The following MED16 variants were observed in gnomAD, a reference collection of about 807,000 sequenced individuals.
MED16 encodes mediator of RNA polymerase II transcription subunit 16.
In MED16, 81 loss-of-function variants were observed where a neutral mutation model predicts 84.4. The observed-to-expected ratio is 0.96, with a 90% CI of 0.80 to 1.15. The LOEUF (loss-of-function observed/expected upper bound fraction) is 1.15, where lower values mean the gene tolerates loss of function less well. Among genes scored for constraint, MED16 ranks in the 50% most tolerant of loss-of-function variants. The probability of loss-of-function intolerance (pLI) is 0.00; values close to 1 mark genes in which losing one functional copy is unlikely to be tolerated. For missense variants in MED16, 1,585 were observed against 1,245.9 expected (o/e 1.27, Z -4.10); for synonymous variants, 897 against 552.2 (o/e 1.62, Z -8.76).
rs777184628 is a variant in MED16, at chr19:872,036, C to A, written c.1988G>T (p.Arg663Leu). 1 of 1,609,630 alleles carries A rather than the reference C, an allele frequency of 6.2e-7. No homozygotes were observed. Among genetic ancestry groups the A allele is most frequent in the Non-Finnish European group, 8.5e-7 (1 of 1,178,448 alleles). Residue 663 changes from arginine to leucine, a missense_variant, in exon 12 of 16, where the codon CGC becomes CTC. Physicochemically the swap from Arg to Leu is moderately radical, Grantham distance 102 (BLOSUM62 -2). Transcript: ENST00000325464. ...GMLRELMVVI[R>L]IWGLLKPSCL... ...GCTGGGCTTCAGAAGGCCCCAGATG[C>A]GGATGACCACCATCAATTCCCGAAG...
chr19:887,178 T>A (rs2036544149), intron 4 of MED16, among the ~76,000 whole-genome samples: 2 of 151,440 alleles, frequency 1.3e-5, no homozygotes, highest in Non-Finnish European at 2.9e-5. Flanking sequence ...CCATTCTAAG[T>A]TACAAGTTAA....
chr19:879,578 T>C (rs2036363935), intron 8 of MED16, among the ~76,000 whole-genome samples: 1 of 84,402 alleles, frequency 1.2e-5, no homozygotes, highest in Admixed American at 1.5e-4. Context: ...TGGTTGTCAA[T>C]GCCCAGCAGC....
At position 868,339 on chromosome 19, in the gene MED16, G is replaced by A. The variant is rs1166313104; in HGVS notation, c.2483+77C>T. 4 of 1,592,948 alleles carry A rather than the reference G, an allele frequency of 2.5e-6. No homozygotes were observed. In the African/African-American group the frequency reaches 5.3e-5, roughly 21 times the overall value. On this transcript the variant is annotated intron_variant, in intron 15 of 15. Coordinates refer to ENST00000325464, the MANE Select transcript of MED16 (RefSeq NM_005481.3). ...GCAGCCGGGCTCAGGGGCAGCTGAG[G>A]GGTAGCTGAGGAGTAGCTGAGGGGC...
chr19:885,930 T>A lies in MED16; in HGVS notation c.719A>T (p.Gln240Leu). Residue 240 changes from glutamine to leucine, a missense_variant, in exon 5 of 16, where the codon CAG (glutamine) becomes CTG (leucine). Gln to Leu is a moderately radical substitution (Grantham distance 113, BLOSUM62 -2). Transcript: ENST00000325464. The part of the protein sequence containing the change: ...TADGSSASPV[Q>L]FYKVCVSVVS... Reference sequence around the variant, plus strand: ...CACGCTCACGCACACCTTGTAGAACTGCACGGGCGACGCGCTGCTGCCGTC... The same window carrying A: ...CACGCTCACGCACACCTTGTAGAACAGCACGGGCGACGCGCTGCTGCCGTC... 1.9e-6 allele frequency: 3 copies of A among 1,613,196 alleles called. No individual in the cohort carries two copies. The highest frequency in any genetic ancestry group is 2.5e-6 in the Non-Finnish European group (3 of 1,179,920).
rs2036132229 is a variant in MED16 at position 873,124 on chromosome 19, GATGGGGCAGGGCTCC to G, written c.1905+310_1905+324del. The stretch of plus-strand genomic sequence containing the variant: ...GCTCCGAGGTGGGGCAGGGCTCCGA[GATGGGGCAGGGCTCC>G]GAGGTGGGGCAGGGCTAGGAAGTGG... On this transcript the variant is annotated intron_variant, in intron 11 of 15. Transcript: ENST00000325464. 66 of 216,286 alleles carry G rather than the reference GATGGGGCAGGGCTCC, an allele frequency of 3.1e-4. 15 individuals carry two copies. Among genetic ancestry groups the G allele is most frequent in the South Asian group, 4.9e-4 (8 of 16,204 alleles). The allele number at this position is 216,286 out of a possible 1,614,324, so 13.4% of individuals were successfully genotyped here.
Position 877,152 on chromosome 19 carries a change from A to G in MED16, c.1382T>C (p.Met461Thr), listed in dbSNP as rs374977264. The change falls in exon 9 of 16, where the codon ATG (methionine) becomes ACG (threonine). Residue 461 changes from methionine (M) to threonine (T), a missense_variant. Coordinates refer to ENST00000325464, the MANE Select transcript of MED16 (RefSeq NM_005481.3). ...CAGCCCCACCTCCAGCGGGTGGCCC[A>G]TGGAAGGTGAGAGGCGGAGCACGCT... ...KLSVLRLSPS[M>T]GHPLEVGLAL... 20 of 1,611,714 alleles carry G rather than the reference A, an allele frequency of 1.2e-5. No individual in the cohort carries two copies. The highest frequency in any genetic ancestry group is 1.2e-5 in the Non-Finnish European group (14 of 1,179,622).
chr19:886,166 T>A lies in MED16; in HGVS notation c.483A>T (p.Arg161=). ...GCGTGAGCGACGGTGAGAACTTGAC[T>A]CGGGAGAACTTCTCCCCGAAGCTGG... The part of the protein sequence containing the change: ...GASSFGEKFS[R]VKFSPSLTLF... The change falls in exon 5 of 16, where the codon CGA becomes CGT. Residue 161 remains arginine, a synonymous_variant. Transcript: ENST00000325464. 1 of 1,523,760 alleles carries A rather than the reference T, an allele frequency of 6.6e-7. No homozygotes were observed. Among genetic ancestry groups the A allele is most frequent in the African/African-American group, 1.4e-5 (1 of 72,166 alleles). 94.4% of individuals were successfully genotyped at this position (1,523,760 alleles called of 1,614,324 possible).
chr19:870,245 C>CGA (rs1286468505), intron 13 of MED16, among the ~76,000 whole-genome samples: 1 of 152,126 alleles, frequency 6.6e-6, no homozygotes, highest in Non-Finnish European at 1.5e-5. Flanking sequence ...CCCTGTACAG[C>CGA]GAGGCCAACA....
At chr19:880,573 G>A (rs2036399697) in intron 7 of MED16, among the ~76,000 whole-genome samples, 1 of 152,188 alleles carries the variant, frequency 6.6e-6, no homozygotes, top group Non-Finnish European at 1.5e-5. Context: ...GGGAGGTGGG[G>A]TCCAGAGCCC....
At chr19:873,241 TAGGGGTGGGACTCCAACC>T (rs1362193681) in intron 11 of MED16, among the ~76,000 whole-genome samples, 190 bp downstream of exon 11, 8 of 113,950 alleles carry the variant, frequency 7.0e-5, no homozygotes, top group African/African-American at 2.7e-4. Flanking sequence ...GGACTCCAAG[TAGGGGTGGGACTCCAACC>T]AGGGGCGGGG....
At chr19:869,026 G>A in intron 13 of MED16, 80 bp from the exon 14 acceptor site, 2 of 1,263,250 alleles carry the variant, frequency 1.6e-6, no homozygotes, top group East Asian at 2.6e-5. Flanking sequence ...TCCACAGGCG[G>A]GGGTGGAGGG....
intron 6 of MED16, 83 bp downstream of exon 6, chr19:884,820 A>G (rs1406061624): frequency 1.8e-6 from 2 of 1,093,212 alleles, no homozygotes; most frequent in East Asian, 2.6e-5. Flanking sequence ...ACCCTGGGTG[A>G]CACAGCAAGA....
intron 12 of MED16, chr19:871,616 C>T (rs758268465): frequency 6.3e-6 from 10 of 1,595,682 alleles, no homozygotes; most frequent in East Asian, 2.2e-5. Flanking sequence ...CTGGAAGTGG[C>T]TGCCATCCCA....
chr19:872,654 G>C (rs987866909), intron 11 of MED16, among the ~76,000 whole-genome samples: 15 of 151,826 alleles, frequency 9.9e-5, no homozygotes, highest in Admixed American at 4.6e-4. Context: ...TGTACCGGCG[G>C]GGGGGTGGGG....
rs2036595355 is a variant in MED16 at position 889,746 on chromosome 19, G to A, written c.339C>T (p.His113=). The A allele has an allele frequency of 1.9e-6, 3 of 1,613,478 alleles. No individual in the cohort carries two copies. Among genetic ancestry groups the A allele is most frequent in the Non-Finnish European group, 1.7e-6 (2 of 1,179,928 alleles). The stretch of plus-strand genomic sequence containing the variant: ...CTGAGCTCTCCCAGCTATTAGCCAG[G>A]TGGTCCGCCATGCTCCAGCACTTGA... The part of the protein sequence containing the change: ...GQIKCWSMAD[H]LANSWESSVG... The change falls in exon 4 of 16, where the codon CAC becomes CAT. Residue 113 remains histidine (H), a synonymous_variant. Coordinates refer to ENST00000325464, the MANE Select transcript of MED16 (RefSeq NM_005481.3).
chr19:882,708 CACAGAA>C (rs558733973), intron 6 of MED16, among the ~76,000 whole-genome samples: 2 of 152,210 alleles, frequency 1.3e-5, no homozygotes, highest in African/African-American at 2.4e-5. Context: ...CTGAGGCAGC[CACAGAA>C]ACAGAAACAG....
At chr19:877,318 ATG>A in intron 8 of MED16, 138 bp from the exon 9 acceptor site, 2 of 768,826 alleles carry the variant, frequency 2.6e-6, no homozygotes, top group Admixed American at 2.5e-5. Context: ...GTGTGCGCGC[ATG>A]TGTCTGTAGC....
At chr19:889,158 C>A (rs1461675514) in intron 4 of MED16, among the ~76,000 whole-genome samples, 2 of 143,666 alleles carry the variant, frequency 1.4e-5, no homozygotes, top group Non-Finnish European at 3.0e-5. Context: ...CTGTCCCCCC[C>A]AACCCTGGCC....
At position 876,239 on chromosome 19, in the gene MED16, G is replaced by A. The variant is rs1041022226; in HGVS notation, c.1560+735C>T. Among the ~76,000 whole-genome samples, 19 of 152,226 alleles carry A rather than the reference G, an allele frequency of 1.2e-4. No homozygotes were observed. The East Asian group carries it at 1.4e-3, about 11-fold the overall frequency. On this transcript the variant is annotated intron_variant, in intron 9 of 15. Coordinates refer to ENST00000325464, the MANE Select transcript of MED16 (RefSeq NM_005481.3). The stretch of plus-strand genomic sequence containing the variant: ...CCACGTGCAGCTGCCGGCTGAGCTC[G>A]TTAGATCTGAGGTCCTTCGAGGACA...
Sources: allele counts gnomAD v4.1 joint callset (sites outside exome capture counted in the v4.1 genomes callset), GRCh38; gene constraint gnomAD v4.1.1; transcripts MANE v1.5; gene names NCBI Gene and HGNC (gene_info 2026-07-23, HGNC 2026-07-21).